Variants in TOPAZ1 observed in about 807,000 individuals in gnomAD.
TOPAZ1 encodes testis and ovary specific TOPAZ 1.
In TOPAZ1, 66 loss-of-function variants were observed where a neutral mutation model predicts 172.2. The ratio of observed to expected loss-of-function variants is 0.38; its 90% CI spans 0.31 to 0.47. The LOEUF (loss-of-function observed/expected upper bound fraction) is 0.47. Among genes scored for constraint, TOPAZ1 ranks in the 20% least tolerant of loss-of-function variants. The pLI is 0.99. For missense variants in TOPAZ1, 1,822 were observed against 1,972.4 expected (o/e 0.92, Z 1.44); for synonymous variants, 681 against 683.9 (o/e 1.00, Z 0.07).
chr3:44,304,137 C>G (rs1006270173), intron 13 of TOPAZ1, 56 bp downstream of exon 13: 2 of 1,083,760 alleles, frequency 1.8e-6, no homozygotes, highest in Non-Finnish European at 2.6e-6. Context: ...TCAATAGCAA[C>G]AAAAAAGGTT....
Position 44,297,175 on chromosome 3 carries a change from A to AAG in TOPAZ1, c.3797+6290_3797+6291insGA, listed in dbSNP as rs534544813. Among the ~76,000 whole-genome samples, 676 of 151,878 alleles carry AAG rather than the reference A, an allele frequency of 4.5e-3. 4 individuals carry two copies. Among genetic ancestry groups the AAG allele is most frequent in the Middle Eastern group, 0.01 (3 of 294 alleles). On this transcript the variant is annotated intron_variant, in intron 12 of 19. Coordinates refer to ENST00000309765, the MANE Select transcript of TOPAZ1 (RefSeq NM_001145030.2). The stretch of plus-strand genomic sequence containing the variant: ...AACGAGTGAAAGTCTGTCTCAAAAA[A>AAG]AAAAAAGAAAAAAGAAAAGAAAATT...
At chr3:44,317,534 C>A (rs1700464644) in intron 16 of TOPAZ1, among the ~76,000 whole-genome samples, 1 of 152,198 alleles carries the variant, frequency 6.6e-6, no homozygotes, top group Admixed American at 6.5e-5. Flanking sequence ...GATAGTCTCA[C>A]TGACTAGCTT....
chr3:44,261,351 G>T (rs1463492385), intron 4 of TOPAZ1, among the ~76,000 whole-genome samples: 3 of 152,174 alleles, frequency 2.0e-5, no homozygotes, highest in Non-Finnish European at 4.4e-5. Context: ...GGAAAAGAAG[G>T]ATCCAGTTTC....
intron 4 of TOPAZ1, among the ~76,000 whole-genome samples, chr3:44,257,167 A>G (rs1355699596): frequency 1.3e-5 from 2 of 151,682 alleles, no homozygotes; most frequent in Non-Finnish European, 2.9e-5. Flanking sequence ...TGTCTCTACA[A>G]AAAAAAATTT....
intron 16 of TOPAZ1, among the ~76,000 whole-genome samples, chr3:44,311,102 C>T (rs747954989): frequency 2.6e-5 from 4 of 152,136 alleles, no homozygotes; most frequent in Non-Finnish European, 5.9e-5. Flanking sequence ...CTGTAAAACA[C>T]ACTAACACAC....
Position 44,255,509 on chromosome 3 carries a change from G to A in TOPAZ1, c.2827+480G>A, listed in dbSNP as rs901478518. 7.6e-4 allele frequency among the ~76,000 whole-genome samples: 115 copies of A among 151,802 alleles called. 1 individual carries two copies. The highest frequency in any genetic ancestry group is 2.6e-3 in the African/African-American group (109 of 41,420). On this transcript the variant is annotated intron_variant, in intron 3 of 19. Coordinates refer to ENST00000309765, the MANE Select transcript of TOPAZ1 (RefSeq NM_001145030.2). ...CTACTAAAAGTACAAAAAATTAGCC[G>A]GGCGTGGTGGCAGGCACCTGTAGTC...
At chr3:44,267,198 T>C in intron 6 of TOPAZ1, 62 bp downstream of exon 6, 1 of 1,342,914 alleles carries the variant, frequency 7.4e-7, no homozygotes, top group East Asian at 2.8e-5. Flanking sequence ...CTAGGAGATT[T>C]TTCTACCAAA....
At chr3:44,316,255 A>G (rs951770401) in intron 16 of TOPAZ1, among the ~76,000 whole-genome samples, 2 of 152,152 alleles carry the variant, frequency 1.3e-5, no homozygotes, top group Non-Finnish European at 2.9e-5. Context: ...CAAAAAAAAT[A>G]AATAAAGTAA....
chr3:44,287,406 T>C lies in TOPAZ1; in HGVS notation c.3454T>C (p.Tyr1152His). 1 of 1,494,360 alleles carries C rather than the reference T, an allele frequency of 6.7e-7. No homozygotes were observed. Among genetic ancestry groups the C allele is most frequent in the Non-Finnish European group, 8.9e-7 (1 of 1,118,642 alleles). 92.6% of individuals were successfully genotyped at this position (1,494,360 alleles called of 1,614,324 possible). The change falls in exon 10 of 20, where the codon TAC becomes CAC. Residue 1152 changes from tyrosine to histidine, a missense_variant. Tyr to His is a moderately conservative substitution (Grantham distance 83, BLOSUM62 2). Coordinates refer to ENST00000309765, the MANE Select transcript of TOPAZ1 (RefSeq NM_001145030.2). The part of the protein sequence containing the change: ...LQRAVNIFME[Y>H]YRKFPPGVYF... The stretch of plus-strand genomic sequence containing the variant: ...ATTTTCAGTAAACATATTTATGGAG[T>C]ACTACAGAAAGTTTCCCCCAGGTGT...
intron 17 of TOPAZ1, 140 bp downstream of exon 17, chr3:44,321,331 G>GTTCTCTGCAAATTGAATA: frequency 8.2e-6 from 5 of 608,812 alleles, no homozygotes; most frequent in Non-Finnish European, 1.3e-5. Context: ...TGTAAAATAT[G>GTTCTCTGCAAATTGAATA]TTCTCTGCAA....
At chr3:44,311,069 CAATA>C (rs1225224007) in intron 16 of TOPAZ1, among the ~76,000 whole-genome samples, 3 of 152,014 alleles carry the variant, frequency 2.0e-5, no homozygotes, top group Non-Finnish European at 2.9e-5. Context: ...AAGATGGAAT[CAATA>C]AATAAAGCAA....
chr3:44,285,395 G>T (rs1008787120), intron 9 of TOPAZ1, among the ~76,000 whole-genome samples: 21 of 152,000 alleles, frequency 1.4e-4, no homozygotes, highest in African/African-American at 5.1e-4. Context: ...AAGCCCAGGA[G>T]GCAGAGGTTG....
At chr3:44,330,878 A>G (rs1264260096) in intron 19 of TOPAZ1, among the ~76,000 whole-genome samples, 1 of 152,232 alleles carries the variant, frequency 6.6e-6, no homozygotes, top group Non-Finnish European at 1.5e-5. Flanking sequence ...CGCTGGTAGA[A>G]AAATTATTAG....
At chr3:44,308,311 T>C (rs1384195387) in intron 15 of TOPAZ1, among the ~76,000 whole-genome samples, 2 of 125,340 alleles carry the variant, frequency 1.6e-5, no homozygotes, top group African/African-American at 3.0e-5. Flanking sequence ...CAGTGTGTGA[T>C]GTTCCCCACC....
In TOPAZ1 at chr3:44,256,172, C is replaced by T; in HGVS notation, c.2849C>T (p.Pro950Leu). 6.6e-7 allele frequency: 1 copy of T among 1,511,232 alleles called. No homozygotes were observed. The highest frequency in any genetic ancestry group is 8.8e-7 in the Non-Finnish European group (1 of 1,134,454). The allele number at this position is 1,511,232 out of a possible 1,614,324, so 93.6% of individuals were successfully genotyped here. Residue 950 changes from proline (P) to leucine (L), a missense_variant, in exon 4 of 20, where the codon CCC (proline) becomes CTC (leucine). Pro to Leu is a moderately conservative substitution (Grantham distance 98). This residue lies in a region of TOPAZ1 where 1,489 missense variants were observed against 1,490.8 expected (regional missense o/e 1.00). Coordinates refer to ENST00000309765, the MANE Select transcript of TOPAZ1 (RefSeq NM_001145030.2). ...NSAESEIKRD[P>L]KDVNTSLGEV... is the part of the protein sequence containing the mutation. ...TCAGAAAGTGAAATAAAACGTGATC[C>T]CAAAGATGTAAACACTTCCTTAGGA...
rs756257773 is a variant in TOPAZ1 at position 44,319,918 on chromosome 3, TA to T, written c.4307-1108del. 1.4e-4 allele frequency among the ~76,000 whole-genome samples: 21 copies of T among 152,342 alleles called. No individual in the cohort carries two copies. The East Asian group carries it at 2.1e-3, about 15-fold the overall frequency. ...AAAATAAAAGGATTACTTCTACATTTAGTTCAGTTGAAAAAGAGCACCAAAA... is the reference window on the plus strand; with the variant it reads ...AAAATAAAAGGATTACTTCTACATTTGTTCAGTTGAAAAAGAGCACCAAAA... On this transcript the variant is annotated intron_variant, in intron 16 of 19. Transcript: ENST00000309765.
rs569430949 is a variant in TOPAZ1 at position 44,255,543 on chromosome 3, T to A, written c.2827+514T>A. On this transcript the variant is annotated intron_variant, in intron 3 of 19. Transcript: ENST00000309765. ...GGCAGGCACCTGTAGTCCCAGCTAC[T>A]TGGGAGGCTGAGGCAGGAGAATGGT... Among the ~76,000 whole-genome samples, 417 of 151,584 alleles carry A rather than the reference T, an allele frequency of 2.8e-3. 3 individuals carry two copies. The highest frequency in any genetic ancestry group is 9.6e-3 in the African/African-American group (395 of 41,356).
rs565918591 is a variant in TOPAZ1, at chr3:44,306,467, A to G, written c.4140+41A>G. On this transcript the variant is annotated intron_variant, in intron 15 of 19. Coordinates refer to ENST00000309765, the MANE Select transcript of TOPAZ1 (RefSeq NM_001145030.2). ...TTTGTCTTGGCTTGGTATAGAGACT[A>G]CTAGTTTTAAAATTATGAACAGAAT... The G allele has an allele frequency of 1.2e-4, 136 of 1,166,542 alleles. No homozygotes were observed. In the Admixed American group the frequency reaches 2.2e-3, roughly 19 times the overall value. The allele number at this position is 1,166,542 out of a possible 1,614,324, so 72.3% of individuals were successfully genotyped here.
chr3:44,282,589 T>C (rs534522269), intron 9 of TOPAZ1, among the ~76,000 whole-genome samples: 1 of 152,308 alleles, frequency 6.6e-6, no homozygotes, highest in South Asian at 2.1e-4. Flanking sequence ...ATTAGGCCCT[T>C]ATCTGATTCC....
Sources: gnomAD v4.1 joint callset for allele counts (sites outside exome capture counted in the v4.1 genomes callset) on GRCh38, gnomAD v4.1.1 for gene constraint, gnomAD v4.1.1 regional missense constraint, MANE v1.5 for transcripts, NCBI Gene and HGNC (gene_info 2026-07-23, HGNC 2026-07-21) for gene names.